The following DOCK10 variants were observed in gnomAD, a reference collection of about 807,000 sequenced individuals.
The protein encoded by DOCK10 is dedicator of cytokinesis 10.
In DOCK10, 145 loss-of-function variants were observed where a neutral mutation model predicts 280.1. The observed-to-expected ratio is 0.52, with a 90% CI of 0.45 to 0.59. The LOEUF (loss-of-function observed/expected upper bound fraction) is 0.59. Ranked by LOEUF, DOCK10 falls within the 20% of genes least tolerant of loss-of-function variation. DOCK10 has a pLI of 0.00. For synonymous variants in DOCK10, 915 were observed against 942.2 expected (o/e 0.97, Z 0.53); for missense variants, 2,368 against 2,651.7 (o/e 0.89, Z 2.35).
intron 26 of DOCK10, among the ~76,000 whole-genome samples, 191 bp downstream of exon 26, chr2:224,833,959 C>CT (rs1401608535): frequency 6.6e-6 from 1 of 152,100 alleles, no homozygotes; most frequent in African/African-American, 2.4e-5. Context: ...GCCCACTCTA[C>CT]TTTTTTCTAT....
chr2:224,884,027 C>T (rs1310743351), intron 7 of DOCK10, among the ~76,000 whole-genome samples: 1 of 152,178 alleles, frequency 6.6e-6, no homozygotes, highest in Non-Finnish European at 1.5e-5. Flanking sequence ...CTTCATGTTT[C>T]TAAGGCCAAA....
At chr2:224,921,112 A>AAAAAAAAAAATATAT in intron 2 of DOCK10, among the ~76,000 whole-genome samples, 3 of 54,412 alleles carry the variant, frequency 5.5e-5, no homozygotes, top group African/African-American at 3.1e-4. Flanking sequence ...AAAAAAAAAA[A>AAAAAAAAAAATATAT]ATATATATAT....
chr2:224,916,731 A>G lies in DOCK10; in HGVS notation c.297T>C (p.Asp99=). The G allele has an allele frequency of 5.0e-6, 8 of 1,611,546 alleles. No homozygotes were observed. Among genetic ancestry groups the G allele is most frequent in the Non-Finnish European group, 6.8e-6 (8 of 1,178,782 alleles). ...GTAAATTTTCTGCCTTGTGCTCTGC[A>G]TCTTCAGGTACTGTTGAGTACAACG... ...IRTLYSTVPE[D]AEHKAENLLV... Residue 99 remains aspartate, a synonymous_variant, in exon 3 of 56, where the codon GAT becomes GAC. Coordinates refer to ENST00000258390, the MANE Select transcript of DOCK10 (RefSeq NM_014689.3).
At chr2:224,787,163 G>T in intron 49 of DOCK10, 28 bp from the exon 50 acceptor site, 1 of 1,607,110 alleles carries the variant, frequency 6.2e-7, no homozygotes, top group South Asian at 1.1e-5. Context: ...AGAGTTTCAT[G>T]AAGATGATGC....
At chr2:224,905,660 C>T (rs16866320) in intron 3 of DOCK10, among the ~76,000 whole-genome samples, 17,190 of 152,182 alleles carry the variant, frequency 0.11, 2,539 homozygotes, top group African/African-American at 0.35. Context: ...TAAAGGGACA[C>T]CAATACCCAA....
chr2:225,000,667 G>A (rs978819439), intron 1 of DOCK10, among the ~76,000 whole-genome samples: 1 of 152,160 alleles, frequency 6.6e-6, no homozygotes, highest in Non-Finnish European at 1.5e-5. Context: ...AAGGTTGCCC[G>A]AAACAGGTCA....
In DOCK10 at chr2:224,784,783, T is replaced by A. The variant is rs748242399; in HGVS notation, c.5655+2239A>T. 7.1e-5 allele frequency: 91 copies of A among 1,289,160 alleles called. No homozygotes were observed. In the South Asian group the frequency reaches 9.5e-4, roughly 13 times the overall value. The allele number at this position is 1,289,160 out of a possible 1,614,324, so 79.9% of individuals were successfully genotyped here. A position where few individuals can be genotyped will look rare whatever the true frequency, so the allele number is the denominator to read the frequency against. On this transcript the variant is annotated intron_variant, in intron 50 of 55. Transcript: ENST00000258390. ...CCAAAAGAAGAAAAGAGTAAACATCTGCATTAAAAACTATTTGAAAAGCAG... is the reference window on the plus strand; with the variant it reads ...CCAAAAGAAGAAAAGAGTAAACATCAGCATTAAAAACTATTTGAAAAGCAG...
At chr2:224,821,253 C>A (rs1372135636) in intron 28 of DOCK10, among the ~76,000 whole-genome samples, 1 of 152,164 alleles carries the variant, frequency 6.6e-6, no homozygotes, top group Non-Finnish European at 1.5e-5. Flanking sequence ...TTTTGAGCAA[C>A]CCATGGAGTT....
chr2:224,873,775 A>G (rs1358199077), intron 11 of DOCK10, among the ~76,000 whole-genome samples: 7 of 152,122 alleles, frequency 4.6e-5, no homozygotes, highest in Non-Finnish European at 7.4e-5. Context: ...AGTATAGTAT[A>G]TTAATATTTT....
Position 224,787,317 on chromosome 2 carries a change from G to A in DOCK10, c.5499C>T (p.Asn1833=). 1 of 1,613,960 alleles carries A rather than the reference G, an allele frequency of 6.2e-7. No individual in the cohort carries two copies. The highest frequency in any genetic ancestry group is 1.1e-5 in the South Asian group (1 of 91,076). Residue 1833 remains asparagine (N), a synonymous_variant, in exon 49 of 56, where the codon AAC becomes AAT. Transcript: ENST00000258390. ...TCTCAAAGACAGCAATGATGGGCTT[G>A]TTGACATCAGCAATGAGTTCATATC... ...SERYELIADV[N]KPIIAVFEKQ...
chr2:224,989,483 A>G (rs1382165523), intron 1 of DOCK10, among the ~76,000 whole-genome samples: 4 of 152,104 alleles, frequency 2.6e-5, no homozygotes, highest in African/African-American at 9.7e-5. Flanking sequence ...CTTTTTTTGT[A>G]AATTTTCCAG....
chr2:224,973,999 G>A (rs143222859), intron 1 of DOCK10, among the ~76,000 whole-genome samples: 1 of 152,292 alleles, frequency 6.6e-6, no homozygotes, highest in African/African-American at 2.4e-5. Context: ...TGCCTTAGGG[G>A]AGGCCTTCCC....
intron 41 of DOCK10, 21 bp from the exon 42 acceptor site, chr2:224,797,990 T>C: frequency 6.2e-7 from 1 of 1,609,998 alleles, no homozygotes; most frequent in East Asian, 2.2e-5. Context: ...AATGCAGATG[T>C]TATTCAGGAT....
intron 14 of DOCK10, among the ~76,000 whole-genome samples, chr2:224,859,331 G>A (rs531810599): frequency 6.6e-6 from 1 of 152,318 alleles, no homozygotes; most frequent in East Asian, 1.9e-4. Context: ...TCACAAAAGA[G>A]TCCTGGCAAG....
In DOCK10 at chr2:224,770,501, C is replaced by G. The variant is rs200296578; in HGVS notation, c.6305+44G>C. 15 of 1,578,548 alleles carry G rather than the reference C, an allele frequency of 9.5e-6. No homozygotes were observed. The highest frequency in any genetic ancestry group is 3.3e-4 in the Middle Eastern group (2 of 6,028). ...TCTTGGGGGATTGAGGACTCCCTGT[C>G]TCAGGAAGTTCAAGGAAGAACATCC... is the stretch of plus-strand genomic sequence containing the variant. On this transcript the variant is annotated intron_variant, in intron 54 of 55. Coordinates refer to ENST00000258390, the MANE Select transcript of DOCK10 (RefSeq NM_014689.3). This position sits in a 1 kb window ranked among gnomAD's most constrained non-coding sequence, Gnocchi z 4.5.
At position 224,770,667 on chromosome 2, in the gene DOCK10, A is replaced by T; in HGVS notation, c.6205-22T>A. ...TAACCTGTTGAGAAGAAAATTGGTGAAGGATGATCTACCTTCTGCATGGAG... is the reference window on the plus strand; with the variant it reads ...TAACCTGTTGAGAAGAAAATTGGTGTAGGATGATCTACCTTCTGCATGGAG... On this transcript the variant is annotated intron_variant, in intron 53 of 55. Transcript: ENST00000258390. This position sits in a 1 kb window ranked among gnomAD's most constrained non-coding sequence, Gnocchi z 4.5. 1 of 1,553,812 alleles carries T rather than the reference A, an allele frequency of 6.4e-7. No individual in the cohort carries two copies. Among genetic ancestry groups the T allele is most frequent in the Non-Finnish European group, 8.9e-7 (1 of 1,125,250 alleles).
chr2:224,886,177 A>C lies in DOCK10; in HGVS notation c.498T>G (p.Thr166=). 6.2e-7 allele frequency: 1 copy of C among 1,613,846 alleles called. No individual in the cohort carries two copies. Among genetic ancestry groups the C allele is most frequent in the African/African-American group, 1.3e-5 (1 of 75,028 alleles). Residue 166 remains threonine, a synonymous_variant, in exon 6 of 56, where the codon ACT becomes ACG. Coordinates refer to ENST00000258390, the MANE Select transcript of DOCK10 (RefSeq NM_014689.3). ...HEDADKDEDT[T]SHSSSKGGGG... ...CACCCCCCTTGGAAGACGAGTGGGAAGTGGTATCCTGTAGGAAAGGCATAG... is the reference window on the plus strand; with the variant it reads ...CACCCCCCTTGGAAGACGAGTGGGACGTGGTATCCTGTAGGAAAGGCATAG...
At chr2:224,810,437 T>C (rs900903649) in intron 31 of DOCK10, among the ~76,000 whole-genome samples, 1 of 152,182 alleles carries the variant, frequency 6.6e-6, no homozygotes, top group African/African-American at 2.4e-5. Flanking sequence ...GTAAGAATCG[T>C]TAATAATACA....
At position 224,770,602 on chromosome 2, in the gene DOCK10, T is replaced by C; in HGVS notation, c.6248A>G (p.Glu2083Gly). 6.2e-7 allele frequency: 1 copy of C among 1,614,028 alleles called. No individual in the cohort carries two copies. Among genetic ancestry groups the C allele is most frequent in the East Asian group, 2.2e-5 (1 of 44,882 alleles). ...PMAYARAFLE[E>G]TNAKKYPDNQ... is the part of the protein sequence containing the mutation. ...GTCAGGGTACTTCTTTGCATTGGTT[T>C]CTTCAAGAAAAGCTCGTGCATAGGC... is the stretch of plus-strand genomic sequence containing the variant. Residue 2083 changes from glutamate to glycine, a missense_variant, in exon 54 of 56, where the codon GAA becomes GGA. Transcript: ENST00000258390. This position sits in a 1 kb window ranked among gnomAD's most constrained non-coding sequence, Gnocchi z 4.5.
Sources: gnomAD v4.1 joint callset for allele counts (sites outside exome capture counted in the v4.1 genomes callset) on GRCh38, gnomAD v4.1.1 for gene constraint, Gnocchi (gnomAD v3.1) non-coding constraint, MANE v1.5 for transcripts, NCBI Gene and HGNC (gene_info 2026-07-23, HGNC 2026-07-21) for gene names.